The following ASCC3 variants were observed in gnomAD, a reference collection of about 807,000 sequenced individuals.
ASCC3 encodes activating signal cointegrator 1 complex subunit 3.
Under a neutral mutation model 256.3 loss-of-function variants are expected in ASCC3, and 158 were observed. The ratio of observed to expected loss-of-function variants is 0.62; its 90% CI spans 0.54 to 0.70. ASCC3 has a LOEUF of 0.70. ASCC3 is among the 30% of genes least tolerant of loss of function. The pLI, the probability that ASCC3 is intolerant of heterozygous loss-of-function variation, is 0.00. For synonymous variants in ASCC3, 948 were observed against 883.4 expected, an observed-to-expected ratio of 1.07 and a Z score of -1.30; for missense variants, 2,259 against 2,626.0, an observed-to-expected ratio of 0.86 and a Z score of 3.05.
Position 100,761,051 on chromosome 6 carries a change from C to T in ASCC3, c.1737+5514G>A, listed in dbSNP as rs143196469. ...CAGCTCATAATAAAACTGTTGGAAA[C>T]TAAAGATAAAGAAAGAATCTTGAAT... On this transcript the variant is annotated intron_variant, in intron 10 of 41. Transcript: ENST00000369162. Among the ~76,000 whole-genome samples the T allele has an allele frequency of 2.6e-5, 4 of 152,176 alleles. No homozygotes were observed. The East Asian group carries it at 5.8e-4, about 22-fold the overall frequency.
chr6:100,742,856 CTT>C (rs1780500215), intron 10 of ASCC3, among the ~76,000 whole-genome samples: 1 of 152,172 alleles, frequency 6.6e-6, no homozygotes, highest in African/African-American at 2.4e-5. Context: ...GCCAGTGGAT[CTT>C]ATCTTGTCAG....
At chr6:100,512,116 C>T (rs929315401) in intron 40 of ASCC3, among the ~76,000 whole-genome samples, 1 of 152,126 alleles carries the variant, frequency 6.6e-6, no homozygotes, top group Non-Finnish European at 1.5e-5. Flanking sequence ...TACATTTTTG[C>T]CTGTATGAAC....
chr6:100,788,396 A>T (rs1402521555), intron 8 of ASCC3, among the ~76,000 whole-genome samples: 1 of 152,044 alleles, frequency 6.6e-6, no homozygotes, highest in Non-Finnish European at 1.5e-5. Flanking sequence ...TTCATTTTGG[A>T]AAACAGTTTG....
Position 100,662,021 on chromosome 6 carries a change from T to C in ASCC3, c.2488A>G (p.Ile830Val), listed in dbSNP as rs1240708627. Residue 830 changes from isoleucine to valine, a missense_variant, in exon 16 of 42, where the codon ATA (isoleucine) becomes GTA (valine). Physicochemically the swap from Ile to Val is conservative, Grantham distance 29. This residue lies in a region of ASCC3 where 1,839 missense variants were observed against 2,206.7 expected (regional missense o/e 0.83). Coordinates refer to ENST00000369162, the MANE Select transcript of ASCC3 (RefSeq NM_006828.4). ...AAGGAGCCTCTTTTTGCAGCATATA[T>C]TTGTGTTCCCTAGATGAGGAAAAGT... The part of the protein sequence containing the change: ...AHAVIIKGTQ[I>V]YAAKRGSFVD... 5 of 1,613,110 alleles carry C rather than the reference T, an allele frequency of 3.1e-6. No individual in the cohort carries two copies. Among genetic ancestry groups the C allele is most frequent in the Non-Finnish European group, 4.2e-6 (5 of 1,179,382 alleles).
chr6:100,672,960 T>C (rs997392500), intron 14 of ASCC3, among the ~76,000 whole-genome samples: 24 of 152,222 alleles, frequency 1.6e-4, no homozygotes, highest in Non-Finnish European at 3.1e-4. Flanking sequence ...AAAAACAGTT[T>C]AAGGCTCATG....
At chr6:100,609,543 A>C (rs1773283878) in intron 30 of ASCC3, among the ~76,000 whole-genome samples, 1 of 147,504 alleles carries the variant, frequency 6.8e-6, no homozygotes, top group African/African-American at 2.4e-5. Flanking sequence ...GAAAATACTT[A>C]AAGTAACACA....
chr6:100,565,161 T>C (rs1401027661), intron 36 of ASCC3, among the ~76,000 whole-genome samples: 5 of 152,208 alleles, frequency 3.3e-5, no homozygotes, highest in Admixed American at 3.3e-4. Flanking sequence ...TTGAATCAAC[T>C]GCATTTTTCC....
intron 23 of ASCC3, 23 bp from the exon 24 acceptor site, chr6:100,642,772 A>C: frequency 6.3e-7 from 1 of 1,581,434 alleles, no homozygotes; most frequent in East Asian, 2.2e-5. Flanking sequence ...ACAGTCAAAA[A>C]TAAATATGGA....
chr6:100,773,475 G>A (rs1360409070), intron 8 of ASCC3, among the ~76,000 whole-genome samples: 1 of 151,984 alleles, frequency 6.6e-6, no homozygotes, highest in Admixed American at 6.6e-5. Context: ...AGCAATTTCT[G>A]GTTCTCTCCA....
chr6:100,537,551 T>C (rs900138450), intron 37 of ASCC3, among the ~76,000 whole-genome samples: 2 of 152,154 alleles, frequency 1.3e-5, no homozygotes, highest in Admixed American at 6.5e-5. Context: ...AGTTAAGATG[T>C]TACCTTTAGG....
At chr6:100,867,885 A>ATT in intron 2 of ASCC3, 23 bp downstream of exon 2, 1 of 1,556,796 alleles carries the variant, frequency 6.4e-7, no homozygotes. Context: ...AATGTTCAAC[A>ATT]TTTCTACCTT....
intron 17 of ASCC3, among the ~76,000 whole-genome samples, chr6:100,654,303 C>CAA (rs34148231): frequency 1.8e-4 from 19 of 107,052 alleles, no homozygotes; most frequent in African/African-American, 3.6e-4. Flanking sequence ...ACACACAAAT[C>CAA]AAAAAAAAAA....
intron 7 of ASCC3, 87 bp from the exon 8 acceptor site, chr6:100,798,925 A>G (rs1209531720): frequency 8.3e-7 from 1 of 1,203,638 alleles, no homozygotes; most frequent in African/African-American, 1.5e-5. Context: ...GACAGAAAAC[A>G]CTACTGGTTT....
chr6:100,755,360 C>T lies in ASCC3; in HGVS notation c.1737+11205G>A, dbSNP rs113706319. ...TATATATATATTTTCCCCCAATGTG[C>T]TTCCTCTTTTTTTTTTCTTTTTTTG... On this transcript the variant is annotated intron_variant, in intron 10 of 41. Coordinates refer to ENST00000369162, the MANE Select transcript of ASCC3 (RefSeq NM_006828.4). 3.6e-5 allele frequency among the ~76,000 whole-genome samples: 5 copies of T among 138,638 alleles called. 1 individual carries two copies. The highest frequency in any genetic ancestry group is 1.3e-4 in the African/African-American group (5 of 39,096). 91.0% of individuals were successfully genotyped at this position (138,638 alleles called of 152,430 possible). A position where few individuals can be genotyped will look rare whatever the true frequency, so the allele number is the denominator to read the frequency against.
chr6:100,777,847 A>C (rs4840154), intron 8 of ASCC3, among the ~76,000 whole-genome samples: 83,427 of 151,884 alleles, frequency 0.55, 23,285 homozygotes, highest in South Asian at 0.75. Context: ...TTTTGTTCTC[A>C]ACACAATTAA....
chr6:100,841,247 A>T (rs1772131217), intron 4 of ASCC3, among the ~76,000 whole-genome samples: 1 of 152,164 alleles, frequency 6.6e-6, no homozygotes. Context: ...CCTTCAAATG[A>T]GTTCAGGTAT....
At chr6:100,618,170 G>A (rs1403107006) in intron 30 of ASCC3, among the ~76,000 whole-genome samples, 3 of 152,158 alleles carry the variant, frequency 2.0e-5, no homozygotes, top group East Asian at 1.9e-4. Flanking sequence ...CTGAGTGCCC[G>A]ACTATGTGAT....
chr6:100,608,394 A>T (rs1773118201), intron 30 of ASCC3, among the ~76,000 whole-genome samples: 2 of 34,758 alleles, frequency 5.8e-5, no homozygotes, highest in Non-Finnish European at 1.0e-4. Context: ...TTATATATGT[A>T]TACCTTATAT....
intron 8 of ASCC3, among the ~76,000 whole-genome samples, chr6:100,781,320 G>A (rs1303909050): frequency 6.6e-6 from 1 of 152,050 alleles, no homozygotes; most frequent in Non-Finnish European, 1.5e-5. Context: ...CACTGAAGTT[G>A]CCGCCTGTAA....
Sources: gnomAD v4.1 joint callset for allele counts (sites outside exome capture counted in the v4.1 genomes callset) on GRCh38, gnomAD v4.1.1 for gene constraint, gnomAD v4.1.1 regional missense constraint, MANE v1.5 for transcripts, NCBI Gene and HGNC (gene_info 2026-07-23, HGNC 2026-07-21) for gene names.